The following ARHGEF3 variants were observed in gnomAD, a reference collection of about 807,000 sequenced individuals.
The protein encoded by ARHGEF3 is Rho guanine nucleotide exchange factor 3.
Under a neutral mutation model 63.2 loss-of-function variants are expected in ARHGEF3, and 28 were observed. That is an observed-to-expected ratio of 0.44 (90% CI 0.33 to 0.61). The LOEUF (loss-of-function observed/expected upper bound fraction) is 0.61. Ranked by LOEUF, ARHGEF3 falls within the 20% of genes least tolerant of loss-of-function variation. The pLI is 0.03. For missense variants in ARHGEF3, 533 were observed against 659.3 expected, an observed-to-expected ratio of 0.81 and a Z score of 2.10; for synonymous variants, 266 against 254.2, an observed-to-expected ratio of 1.05 and a Z score of -0.44.
At chr3:56,916,515 G>C in intron 3 of ARHGEF3, 1 of 1,371,878 alleles carries the variant, frequency 7.3e-7, no homozygotes, top group South Asian at 1.7e-5. Flanking sequence ...GTCAGAGGCT[G>C]AGAGCCGCAC....
intron 2 of ARHGEF3, among the ~76,000 whole-genome samples, chr3:56,961,723 G>T (rs563594658): frequency 6.6e-6 from 1 of 151,876 alleles, no homozygotes; most frequent in Non-Finnish European, 1.5e-5. Flanking sequence ...TCAGGCTTCC[G>T]GTCATTCACA....
chr3:56,925,424 T>G (rs933053197), intron 3 of ARHGEF3, among the ~76,000 whole-genome samples: 7 of 152,202 alleles, frequency 4.6e-5, no homozygotes, highest in African/African-American at 1.7e-4. Context: ...GAGGCTTCCC[T>G]GACCAGGCTG....
intron 4 of ARHGEF3, among the ~76,000 whole-genome samples, chr3:56,837,729 T>C (rs1240710840): frequency 6.6e-6 from 1 of 152,110 alleles, no homozygotes; most frequent in African/African-American, 2.4e-5. Context: ...CAGGAGTCAA[T>C]AAGTTACCTG....
intron 2 of ARHGEF3, among the ~76,000 whole-genome samples, chr3:56,982,876 C>T (rs1004771628): frequency 1.3e-5 from 2 of 151,988 alleles, no homozygotes; most frequent in African/African-American, 2.4e-5. Context: ...CAGCCAGCCC[C>T]GCAGTCCAGG....
rs201889173 is a variant in ARHGEF3, at chr3:56,771,113, C to CAAA, written c.204+2593_204+2595dup. ...AGGCAACAAGGGTGAAACTCCATCTCAAAAAAAAAAAAAAATTATTTTGCC... is the reference window on the plus strand; with the variant it reads ...AGGCAACAAGGGTGAAACTCCATCTCAAAAAAAAAAAAAAAAAATTATTTTGCC... On this transcript the variant is annotated intron_variant, in intron 2 of 9. Coordinates refer to ENST00000296315, the MANE Select transcript of ARHGEF3 (RefSeq NM_019555.3). Among the ~76,000 whole-genome samples, 505 of 123,454 alleles carry CAAA rather than the reference C, an allele frequency of 4.1e-3. 4 individuals are homozygous for CAAA. Among genetic ancestry groups the CAAA allele is most frequent in the African/African-American group, 0.014 (472 of 33,692 alleles). The allele number at this position is 123,454 out of a possible 152,430, so 81.0% of individuals were successfully genotyped here. A position where few individuals can be genotyped will look rare whatever the true frequency, so the allele number is the denominator to read the frequency against.
intron 1 of ARHGEF3, among the ~76,000 whole-genome samples, chr3:57,052,235 G>A (rs947833564): frequency 6.6e-6 from 1 of 152,194 alleles, no homozygotes; most frequent in African/African-American, 2.4e-5. Context: ...ACATCCTGCG[G>A]TGCCTGTATA....
At chr3:57,068,954 C>A (rs1705722517) in intron 1 of ARHGEF3, among the ~76,000 whole-genome samples, 1 of 149,238 alleles carries the variant, frequency 6.7e-6, no homozygotes, top group Non-Finnish European at 1.5e-5. Context: ...CCGAGTCTCG[C>A]TGTATCACCC....
chr3:57,069,298 AAC>A (rs1700603828), intron 1 of ARHGEF3, among the ~76,000 whole-genome samples: 1 of 152,010 alleles, frequency 6.6e-6, no homozygotes, highest in African/African-American at 2.4e-5. Flanking sequence ...ACAAACTAAA[AAC>A]ACAGTCCAAA....
intron 2 of ARHGEF3, among the ~76,000 whole-genome samples, chr3:56,975,214 A>G (rs971259526): frequency 2.0e-5 from 3 of 152,084 alleles, no homozygotes; most frequent in Admixed American, 6.6e-5. Context: ...GGTCAGGAGT[A>G]TGAGACTAGC....
rs763233321 is a variant in ARHGEF3, at chr3:56,869,039, C to G, written c.192+13253G>C. Among the ~76,000 whole-genome samples the G allele has an allele frequency of 2.6e-5, 4 of 152,086 alleles. No individual in the cohort carries two copies. In the East Asian group the frequency reaches 7.7e-4, roughly 29 times the overall value. Reference sequence around the variant, plus strand: ...TCAATGGAATTTATATAGAGCTGACCAGCAAAATCGTCCCTTTCCTCTGCC... The same window carrying G: ...TCAATGGAATTTATATAGAGCTGACGAGCAAAATCGTCCCTTTCCTCTGCC... On this transcript the variant is annotated intron_variant, in intron 4 of 12. Coordinates refer to the ARHGEF3 transcript ENST00000338458.
At chr3:56,786,499 T>A (rs1008414528) in intron 1 of ARHGEF3, among the ~76,000 whole-genome samples, 8 of 152,216 alleles carry the variant, frequency 5.3e-5, no homozygotes, top group Non-Finnish European at 1.2e-4. Flanking sequence ...TTTCATTTGT[T>A]GAGACACTTT....
chr3:57,046,767 T>G (rs1385847287), intron 1 of ARHGEF3, among the ~76,000 whole-genome samples: 2 of 152,168 alleles, frequency 1.3e-5, no homozygotes, highest in African/African-American at 4.8e-5. Context: ...CTGGTTGAAG[T>G]GCTCCGAATG....
At chr3:56,987,505 C>T (rs1451582327) in intron 2 of ARHGEF3, among the ~76,000 whole-genome samples, 1 of 152,126 alleles carries the variant, frequency 6.6e-6, no homozygotes, top group Non-Finnish European at 1.5e-5. Context: ...AGGGAAGGAG[C>T]TGCTGGAAAG....
chr3:57,010,712 C>T (rs1702662775), intron 2 of ARHGEF3, among the ~76,000 whole-genome samples: 1 of 152,168 alleles, frequency 6.6e-6, no homozygotes, highest in African/African-American at 2.4e-5. Context: ...AGAGCCCTGA[C>T]TCCCAAGGAG....
In ARHGEF3 at chr3:56,774,986, A is replaced by G. The variant is rs1199727407; in HGVS notation, c.97-1170T>C. The G allele has an allele frequency of 4.2e-5, 63 of 1,489,904 alleles. 1 individual carries two copies. In the East Asian group the frequency reaches 1.6e-3, roughly 37 times the overall value. The allele number at this position is 1,489,904 out of a possible 1,614,324, so 92.3% of individuals were successfully genotyped here. On this transcript the variant is annotated intron_variant, in intron 1 of 9. Transcript: ENST00000296315. ...ATAGACAAAACATTTTACAAAGACA[A>G]AGAGAAGAGTTACCCTTGTCCTCCT...
chr3:57,039,037 G>C (rs923261170), intron 1 of ARHGEF3, among the ~76,000 whole-genome samples: 1 of 152,168 alleles, frequency 6.6e-6, no homozygotes, highest in African/African-American at 2.4e-5. Flanking sequence ...GATAAGCGCT[G>C]TTCTGACTCT....
chr3:56,929,098 C>T (rs1484077502), intron 3 of ARHGEF3, among the ~76,000 whole-genome samples: 9 of 152,138 alleles, frequency 5.9e-5, no homozygotes, highest in Non-Finnish European at 1.5e-5. Flanking sequence ...CCAGGAGGGC[C>T]TATCTAGGAC....
intron 4 of ARHGEF3, among the ~76,000 whole-genome samples, chr3:56,876,930 G>C (rs936061797): frequency 1.3e-5 from 2 of 152,232 alleles, no homozygotes; most frequent in South Asian, 2.1e-4. Flanking sequence ...GTCTTAGCAA[G>C]GGACTGGTCA....
At chr3:56,779,730 T>C (rs1019600532) in intron 1 of ARHGEF3, among the ~76,000 whole-genome samples, 2 of 152,250 alleles carry the variant, frequency 1.3e-5, no homozygotes, top group Non-Finnish European at 2.9e-5. Context: ...TCCTACAGAT[T>C]TTCCCTCTTG....
Sources: gnomAD v4.1 joint callset for allele counts (sites outside exome capture counted in the v4.1 genomes callset) on GRCh38, gnomAD v4.1.1 for gene constraint, MANE v1.5 for transcripts, NCBI Gene and HGNC (gene_info 2026-07-23, HGNC 2026-07-21) for gene names.